EDARADD: variants seen among roughly 807,000 people sequenced by gnomAD.
EDARADD encodes ectodysplasin-A receptor-associated adapter protein.
A neutral mutation model predicts 25.6 loss-of-function variants in EDARADD; 20 were observed. The ratio of observed to expected loss-of-function variants is 0.78; its 90% CI spans 0.55 to 1.14. The LOEUF (loss-of-function observed/expected upper bound fraction) is 1.14, where lower values mean the gene tolerates loss of function less well. EDARADD is among the 50% of genes most tolerant of loss of function. EDARADD has a pLI of 0.00. For synonymous variants in EDARADD, 86 were observed against 94.4 expected, an observed-to-expected ratio of 0.91 and a Z score of 0.52; for missense variants, 225 against 270.1, an observed-to-expected ratio of 0.83 and a Z score of 1.17.
chr1:236,360,982 G>A (rs763065694), intron 3 of EDARADD, among the ~76,000 whole-genome samples: 4 of 152,142 alleles, frequency 2.6e-5, no homozygotes, highest in Non-Finnish European at 5.9e-5. Context: ...CCAGGGCCTG[G>A]AAACAGGTGT....
chr1:236,355,141 G>A (rs1381085481), intron 3 of EDARADD, among the ~76,000 whole-genome samples: 1 of 152,148 alleles, frequency 6.6e-6, no homozygotes, highest in Non-Finnish European at 1.5e-5. Flanking sequence ...TCATAGATTA[G>A]TTTTAAAGAC....
chr1:236,361,301 T>TTTCTC lies in EDARADD; in HGVS notation c.-6+10464_-6+10465insCTCTT, dbSNP rs1422272658. On this transcript the variant is annotated intron_variant, in intron 3 of 7. Transcript: ENST00000439430. ...TCAATTCCTTGGTTTTGTTTTATAT[T>TTTCTC]TTATCTTATTTTATTTTATATTTAA... 7.5e-3 allele frequency among the ~76,000 whole-genome samples: 947 copies of TTTCTC among 126,810 alleles called. 11 individuals carry two copies. Among genetic ancestry groups the TTTCTC allele is most frequent in the African/African-American group, 0.027 (888 of 32,376 alleles). The allele number at this position is 126,810 out of a possible 152,430, so 83.2% of individuals were successfully genotyped here.
At chr1:236,436,483 T>C (rs555798751) in intron 4 of EDARADD, among the ~76,000 whole-genome samples, 114 of 152,010 alleles carry the variant, frequency 7.5e-4, no homozygotes, top group African/African-American at 2.7e-3. Flanking sequence ...TTTAATTAGC[T>C]AGGTGTGGTG....
intron 4 of EDARADD, among the ~76,000 whole-genome samples, chr1:236,456,032 G>A (rs12084127): frequency 0.2 from 29,826 of 152,010 alleles, 3,136 homozygotes; most frequent in African/African-American, 0.26. Flanking sequence ...CTTGTAATCC[G>A]CCCGCCTCGG....
At chr1:236,440,207 A>G (rs1288449047) in intron 4 of EDARADD, among the ~76,000 whole-genome samples, 2 of 152,002 alleles carry the variant, frequency 1.3e-5, no homozygotes, top group African/African-American at 4.8e-5. Flanking sequence ...ATTCTGTTTC[A>G]TTCATCTATT....
chr1:236,434,208 TC>T (rs1435345768), intron 4 of EDARADD, among the ~76,000 whole-genome samples: 2 of 151,916 alleles, frequency 1.3e-5, no homozygotes, highest in Non-Finnish European at 2.9e-5. Context: ...CCAACACAAA[TC>T]TGTAAATGTT....
At chr1:236,422,521 G>A (rs952752837) in intron 3 of EDARADD, among the ~76,000 whole-genome samples, 1 of 152,218 alleles carries the variant, frequency 6.6e-6, no homozygotes, top group African/African-American at 2.4e-5. Flanking sequence ...TAAGATGACT[G>A]CCTGAAGTTT....
chr1:236,460,660 A>T (rs1023097430), intron 4 of EDARADD, among the ~76,000 whole-genome samples: 5 of 152,170 alleles, frequency 3.3e-5, no homozygotes, highest in Non-Finnish European at 7.3e-5. Context: ...TTTTAGAAAA[A>T]CCCAACAGGA....
chr1:236,470,682 T>C (rs934168165), intron 5 of EDARADD, among the ~76,000 whole-genome samples: 1 of 152,306 alleles, frequency 6.6e-6, no homozygotes, highest in South Asian at 2.1e-4. Flanking sequence ...CTCGGCTCAC[T>C]GCAACCTCTG....
At position 236,484,594 on chromosome 1, in the gene EDARADD, C is replaced by T. The variant is rs1659778960; in HGVS notation, c.*1945C>T. Reference sequence around the variant, plus strand: ...GGCCGCTGCTAGTTAGCTACCCTTGCCCACCGCCGTGGAGTTCGCACCTCT... The same window carrying T: ...GGCCGCTGCTAGTTAGCTACCCTTGTCCACCGCCGTGGAGTTCGCACCTCT... On this transcript the variant is annotated 3_prime_UTR_variant, in exon 6 of 6. Coordinates refer to ENST00000334232, the MANE Select transcript of EDARADD (RefSeq NM_145861.4). The surrounding 1 kb of genome is among the most constrained non-coding windows in gnomAD (Gnocchi z 4.1). 2 of 722,114 alleles carry T rather than the reference C, an allele frequency of 2.8e-6. No individual in the cohort carries two copies. Among genetic ancestry groups the T allele is most frequent in the Non-Finnish European group, 4.6e-6 (2 of 431,186 alleles). 44.7% of individuals were successfully genotyped at this position (722,114 alleles called of 1,614,324 possible).
At chr1:236,438,002 G>A (rs933278424) in intron 4 of EDARADD, among the ~76,000 whole-genome samples, 1 of 152,074 alleles carries the variant, frequency 6.6e-6, no homozygotes, top group Non-Finnish European at 1.5e-5. Flanking sequence ...CCCACCTTGC[G>A]CCCTGCCCAG....
At chr1:236,457,517 T>TA (rs1405285425) in intron 4 of EDARADD, among the ~76,000 whole-genome samples, 1 of 147,740 alleles carries the variant, frequency 6.8e-6, no homozygotes, top group Non-Finnish European at 1.5e-5. Flanking sequence ...TCTTTCTCTC[T>TA]AAAAAACATA....
chr1:236,409,086 A>ATT, intron 1 of EDARADD, 130 bp from the exon 2 acceptor site: 2 of 496,836 alleles, frequency 4.0e-6, no homozygotes, highest in East Asian at 3.4e-5. Context: ...AAAAAAAAAA[A>ATT]AGGAGTAAGG....
At chr1:236,429,585 A>T (rs1658042596) in intron 4 of EDARADD, among the ~76,000 whole-genome samples, 1 of 147,078 alleles carries the variant, frequency 6.8e-6, no homozygotes, top group South Asian at 2.1e-4. Context: ...GGGTTTTGCC[A>T]TGTTGGCCAG....
intron 4 of EDARADD, among the ~76,000 whole-genome samples, chr1:236,451,080 C>G (rs1323951926): frequency 1.3e-5 from 2 of 152,142 alleles, no homozygotes; most frequent in Non-Finnish European, 2.9e-5. Flanking sequence ...CAGCAGCCAA[C>G]CCCAGTTCTT....
At chr1:236,476,327 A>G (rs1483092825) in intron 5 of EDARADD, among the ~76,000 whole-genome samples, 2 of 152,224 alleles carry the variant, frequency 1.3e-5, no homozygotes, top group African/African-American at 4.8e-5. Flanking sequence ...AGGGACCTTC[A>G]GACACCATTA....
chr1:236,418,162 C>T (rs1657690139), intron 3 of EDARADD, among the ~76,000 whole-genome samples: 1 of 151,662 alleles, frequency 6.6e-6, no homozygotes, highest in South Asian at 2.1e-4. Context: ...ACCGTGTTAG[C>T]CAGGATGGTC....
intron 2 of EDARADD, among the ~76,000 whole-genome samples, chr1:236,411,202 G>T (rs901763473): frequency 6.6e-6 from 1 of 152,126 alleles, no homozygotes; most frequent in African/African-American, 2.4e-5. Context: ...TCTTTCCAAA[G>T]TGTCCCTCTT....
intron 4 of EDARADD, among the ~76,000 whole-genome samples, chr1:236,456,006 G>A (rs1192466472): frequency 1.3e-5 from 2 of 152,136 alleles, no homozygotes; most frequent in Non-Finnish European, 2.9e-5. Flanking sequence ...AGCCAGGATG[G>A]TCTCGATCTG....
Sources: allele counts gnomAD v4.1 joint callset (sites outside exome capture counted in the v4.1 genomes callset), GRCh38; gene constraint gnomAD v4.1.1; non-coding constraint Gnocchi (gnomAD v3.1); transcripts MANE v1.5; gene names NCBI Gene and HGNC (gene_info 2026-07-23, HGNC 2026-07-21).